Variants in TENM2 observed in about 807,000 individuals in gnomAD.
The protein encoded by TENM2 is teneurin-2.
TENM2 carries 52 observed loss-of-function variants against 245.2 expected under a neutral mutation model. The ratio of observed to expected loss-of-function variants is 0.21; its 90% CI spans 0.17 to 0.27. The LOEUF is 0.27. TENM2 is among the 10% of genes least tolerant of loss of function. The pLI, the probability that TENM2 is intolerant of heterozygous loss-of-function variation, is 1.00. For missense variants in TENM2, 3,046 were observed against 3,666.8 expected (o/e 0.83, Z 4.37); for synonymous variants, 1,363 against 1,438.9 (o/e 0.95, Z 1.19).
At chr5:167,695,772 C>T (rs541702717) in intron 2 of TENM2, among the ~76,000 whole-genome samples, 119 of 150,634 alleles carry the variant, frequency 7.9e-4, no homozygotes, top group South Asian at 1.5e-3. Context: ...CGGTGGCTCA[C>T]GCCTGTAATC....
chr5:167,682,963 G>A (rs559865858), intron 2 of TENM2, among the ~76,000 whole-genome samples: 1 of 152,172 alleles, frequency 6.6e-6, no homozygotes, highest in African/African-American at 2.4e-5. Context: ...AGGAAACACA[G>A]TAATGACACC....
At chr5:168,119,808 G>T (rs1483621796) in intron 10 of TENM2, among the ~76,000 whole-genome samples, 2 of 152,140 alleles carry the variant, frequency 1.3e-5, no homozygotes, top group Non-Finnish European at 2.9e-5. Context: ...GGGAAAAAGT[G>T]AAGCCCCTGC....
chr5:167,221,195 G>C, the TENM2 span, among the ~76,000 whole-genome samples: 1 of 152,214 alleles, frequency 6.6e-6, no homozygotes, highest in African/African-American at 2.4e-5. Flanking sequence ...CCTGCCTTTT[G>C]GGGGCTTATA....
chr5:167,611,152 CT>C (rs528189298), intron 2 of TENM2, among the ~76,000 whole-genome samples: 2 of 152,166 alleles, frequency 1.3e-5, no homozygotes, highest in Non-Finnish European at 2.9e-5. Context: ...TCGGATTCTA[CT>C]TTTTCCCATT....
chr5:167,196,496 A>G, the TENM2 span, among the ~76,000 whole-genome samples: 659 of 131,270 alleles, frequency 5.0e-3, 11 homozygotes, highest in African/African-American at 0.025. Flanking sequence ...GTATATATAT[A>G]TGTGTATATA....
chr5:167,715,399 G>GGTAGAGGCCCAGATGAAGGGGCT lies in TENM2; in HGVS notation c.503-160586_503-160564dup, dbSNP rs1398103493. 6.8e-4 allele frequency among the ~76,000 whole-genome samples: 104 copies of GGTAGAGGCCCAGATGAAGGGGCT among 152,286 alleles called. 2 individuals are homozygous for GGTAGAGGCCCAGATGAAGGGGCT. Among genetic ancestry groups the GGTAGAGGCCCAGATGAAGGGGCT allele is most frequent in the African/African-American group, 2.3e-3 (96 of 41,556 alleles). On this transcript the variant is annotated intron_variant, in intron 2 of 28. Coordinates refer to ENST00000518659, the Ensembl canonical transcript of TENM2. ...GCTGGAGGCAGGTGGCATGGGCTACGGTAGAGGCCCAGATGAAGGGGCTAT... is the reference window on the plus strand; with the variant it reads ...GCTGGAGGCAGGTGGCATGGGCTACGGTAGAGGCCCAGATGAAGGGGCTGTAGAGGCCCAGATGAAGGGGCTAT...
At chr5:167,253,341 A>G in the TENM2 span, among the ~76,000 whole-genome samples, 14 of 150,188 alleles carry the variant, frequency 9.3e-5, no homozygotes, top group African/African-American at 3.4e-4. Flanking sequence ...CAAAAGATCC[A>G]CCCACCTCGG....
At chr5:167,816,407 T>G (rs1730770078) in intron 2 of TENM2, among the ~76,000 whole-genome samples, 1 of 152,198 alleles carries the variant, frequency 6.6e-6, no homozygotes, top group South Asian at 2.1e-4. Context: ...TGCTTTCTCT[T>G]GCTTCATTTA....
intron 25 of TENM2, among the ~76,000 whole-genome samples, chr5:168,238,221 G>GAAGAAAAGAAAA (rs1181742012): frequency 2.9e-4 from 7 of 24,382 alleles, no homozygotes; most frequent in Non-Finnish European, 4.9e-4. Context: ...GAGGGAGAGA[G>GAAGAAAAGAAAA]AAGAAAAGAA....
At chr5:168,046,166 G>A (rs1478705095) in intron 5 of TENM2, among the ~76,000 whole-genome samples, 1 of 152,188 alleles carries the variant, frequency 6.6e-6, no homozygotes, top group Non-Finnish European at 1.5e-5. Flanking sequence ...AACCTTAATA[G>A]AATGCAGTCT....
intron 2 of TENM2, among the ~76,000 whole-genome samples, chr5:167,821,739 A>G (rs1458792685): frequency 1.3e-5 from 2 of 152,164 alleles, no homozygotes; most frequent in Admixed American, 1.3e-4. Context: ...TATTATTACT[A>G]AGAACTCTAC....
intron 6 of TENM2, among the ~76,000 whole-genome samples, chr5:168,052,912 G>T (rs1231830698): frequency 1.3e-5 from 2 of 152,120 alleles, no homozygotes; most frequent in African/African-American, 2.4e-5. Flanking sequence ...TTCTACACTT[G>T]CCCTTTCAGC....
At chr5:167,180,764 T>C in the TENM2 span, among the ~76,000 whole-genome samples, 1 of 151,930 alleles carries the variant, frequency 6.6e-6, no homozygotes, top group Non-Finnish European at 1.5e-5. Flanking sequence ...AGAAAATACA[T>C]TTACTATTCA....
the TENM2 span, among the ~76,000 whole-genome samples, chr5:167,169,650 T>G: frequency 6.6e-6 from 1 of 152,236 alleles, no homozygotes; most frequent in Non-Finnish European, 1.5e-5. Context: ...TCTGTGCTCA[T>G]TGAAATTCCA....
At chr5:167,719,998 G>T (rs1029527253) in intron 2 of TENM2, among the ~76,000 whole-genome samples, 4 of 152,218 alleles carry the variant, frequency 2.6e-5, no homozygotes, top group African/African-American at 4.8e-5. Context: ...TTAAAAAGAG[G>T]GGGGGGCTTG....
At chr5:167,924,969 CTG>C (rs1434213586) in intron 3 of TENM2, among the ~76,000 whole-genome samples, 1 of 152,142 alleles carries the variant, frequency 6.6e-6, no homozygotes, top group Admixed American at 6.5e-5. Flanking sequence ...TTTTGGAAAA[CTG>C]TTTGACATTC....
the TENM2 span, among the ~76,000 whole-genome samples, chr5:167,131,967 C>T: frequency 6.6e-6 from 1 of 152,090 alleles, no homozygotes; most frequent in Non-Finnish European, 1.5e-5. Context: ...GGATTACAGG[C>T]GTGTGCCACC....
chr5:167,509,679 G>T (rs62383321), intron 2 of TENM2, among the ~76,000 whole-genome samples: 1 of 152,130 alleles, frequency 6.6e-6, no homozygotes, highest in South Asian at 2.1e-4. Context: ...TAATAAGAGC[G>T]AACATTGACT....
At chr5:167,755,667 T>C (rs780375273) in intron 2 of TENM2, among the ~76,000 whole-genome samples, 2 of 152,164 alleles carry the variant, frequency 1.3e-5, no homozygotes, top group Non-Finnish European at 2.9e-5. Flanking sequence ...TTACCCTTTA[T>C]TGTAGCTTGG....
Sources: gnomAD v4.1 joint callset for allele counts (sites outside exome capture counted in the v4.1 genomes callset) on GRCh38, gnomAD v4.1.1 for gene constraint, MANE v1.5 for transcripts, NCBI Gene and HGNC (gene_info 2026-07-23, HGNC 2026-07-21) for gene names.